Variants in GRM1 observed in about 807,000 individuals in gnomAD.
GRM1 encodes the protein metabotropic glutamate receptor 1.
Under a neutral mutation model 90.9 loss-of-function variants are expected in GRM1, and 33 were observed. That is an observed-to-expected ratio of 0.36 (90% CI 0.28 to 0.49). GRM1 has a LOEUF of 0.49. GRM1 is among the 20% of genes least tolerant of loss of function. The pLI, the probability that GRM1 is intolerant of heterozygous loss-of-function variation, is 0.99. For synonymous variants in GRM1, 700 were observed against 613.2 expected (o/e 1.14, Z -2.09); for missense variants, 1,190 against 1,534.3 (o/e 0.78, Z 3.75).
At chr6:146,115,243 C>T (rs1775697989) in intron 1 of GRM1, among the ~76,000 whole-genome samples, 1 of 148,108 alleles carries the variant, frequency 6.8e-6, no homozygotes, top group South Asian at 2.2e-4. Context: ...CACACACACA[C>T]ACACATATAT....
chr6:146,267,646 G>C (rs1238326526), intron 2 of GRM1, among the ~76,000 whole-genome samples: 5 of 93,478 alleles, frequency 5.3e-5, no homozygotes, highest in East Asian at 5.2e-4. Flanking sequence ...GGCTGCGCTG[G>C]GCTGGGCTGG....
intron 3 of GRM1, among the ~76,000 whole-genome samples, chr6:146,346,823 T>A (rs918327237): frequency 6.6e-6 from 1 of 152,186 alleles, no homozygotes; most frequent in Non-Finnish European, 1.5e-5. Flanking sequence ...TGTATCAAAT[T>A]AGGTATTGAA....
intron 2 of GRM1, among the ~76,000 whole-genome samples, chr6:146,256,095 G>T (rs1415701396): frequency 6.6e-6 from 1 of 152,162 alleles, no homozygotes; most frequent in Non-Finnish European, 1.5e-5. Flanking sequence ...GATACAGCTT[G>T]AGTCGAAGAG....
intron 3 of GRM1, among the ~76,000 whole-genome samples, chr6:146,310,260 A>T (rs1425726565): frequency 6.6e-6 from 1 of 152,206 alleles, no homozygotes. Context: ...TATTTGCCTT[A>T]TTAGGTTTCA....
At chr6:146,404,211 A>T (rs1436884645) in intron 7 of GRM1, among the ~76,000 whole-genome samples, 1 of 152,052 alleles carries the variant, frequency 6.6e-6, no homozygotes, top group Admixed American at 6.5e-5. Context: ...TTACTACTGG[A>T]TAGTAATATT....
intron 7 of GRM1, among the ~76,000 whole-genome samples, chr6:146,406,566 C>A (rs371796588): frequency 6.6e-6 from 1 of 152,062 alleles, no homozygotes; most frequent in Non-Finnish European, 1.5e-5. Flanking sequence ...TGGTAGCTCA[C>A]GCCTATAGTC....
At chr6:146,220,228 GTTAC>G (rs1384320456) in intron 2 of GRM1, among the ~76,000 whole-genome samples, 1 of 152,180 alleles carries the variant, frequency 6.6e-6, no homozygotes, top group East Asian at 1.9e-4. Flanking sequence ...AATATAGGTA[GTTAC>G]TTAATTATTC....
At chr6:146,158,211 A>G (rs1369464778) in intron 1 of GRM1, among the ~76,000 whole-genome samples, 5 of 152,214 alleles carry the variant, frequency 3.3e-5, no homozygotes, top group Non-Finnish European at 7.3e-5. Flanking sequence ...TGTCAGGAAA[A>G]CATAAGAGAG....
At chr6:146,173,807 C>T (rs1778236055) in intron 2 of GRM1, among the ~76,000 whole-genome samples, 1 of 151,926 alleles carries the variant, frequency 6.6e-6, no homozygotes, top group Admixed American at 6.6e-5. Flanking sequence ...GCTGGGATTA[C>T]AGGCACCCGC....
intron 3 of GRM1, among the ~76,000 whole-genome samples, chr6:146,330,818 C>T (rs1485819588): frequency 6.6e-6 from 1 of 152,072 alleles, no homozygotes; most frequent in African/African-American, 2.4e-5. Flanking sequence ...ACTATTACAT[C>T]ATAATTAACT....
At chr6:146,325,368 G>A (rs1784367431) in intron 3 of GRM1, among the ~76,000 whole-genome samples, 2 of 152,104 alleles carry the variant, frequency 1.3e-5, no homozygotes, top group Non-Finnish European at 2.9e-5. Flanking sequence ...TTCTTGCATG[G>A]GTGTGAGAAA....
chr6:146,285,373 G>A (rs554403638), intron 2 of GRM1, among the ~76,000 whole-genome samples: 4 of 152,060 alleles, frequency 2.6e-5, no homozygotes, highest in Non-Finnish European at 5.9e-5. Flanking sequence ...TCCAAACAAA[G>A]CTGCACTTCT....
At chr6:146,213,442 T>C (rs1779747954) in intron 2 of GRM1, among the ~76,000 whole-genome samples, 1 of 152,166 alleles carries the variant, frequency 6.6e-6, no homozygotes, top group African/African-American at 2.4e-5. Flanking sequence ...ATCTCTCTGC[T>C]TGTAGTATAG....
At chr6:146,257,720 C>T (rs927797407) in intron 2 of GRM1, among the ~76,000 whole-genome samples, 10 of 152,088 alleles carry the variant, frequency 6.6e-5, no homozygotes, top group African/African-American at 2.4e-4. Flanking sequence ...CTCAAGCATT[C>T]AGGTGAAGAC....
At chr6:146,097,122 C>G (rs891582159) in intron 1 of GRM1, among the ~76,000 whole-genome samples, 4 of 152,070 alleles carry the variant, frequency 2.6e-5, no homozygotes, top group Non-Finnish European at 4.4e-5. Flanking sequence ...TATTCAGGAA[C>G]TAAAATACAG....
At chr6:146,241,203 T>C (rs1156875814) in intron 2 of GRM1, among the ~76,000 whole-genome samples, 1 of 152,132 alleles carries the variant, frequency 6.6e-6, no homozygotes, top group Non-Finnish European at 1.5e-5. Flanking sequence ...GGAGGAAAGA[T>C]ACTGTCTACT....
At chr6:146,337,282 A>G (rs77929107) in intron 3 of GRM1, among the ~76,000 whole-genome samples, 223 of 152,328 alleles carry the variant, frequency 1.5e-3, no homozygotes, top group South Asian at 4.4e-3. Flanking sequence ...GTGATAATCC[A>G]TATAAATTCA....
chr6:146,354,298 C>A (rs1243823046), intron 4 of GRM1, among the ~76,000 whole-genome samples: 3 of 152,140 alleles, frequency 2.0e-5, no homozygotes, highest in Admixed American at 1.3e-4. Context: ...GACTACCTGC[C>A]TCTGTAAACC....
chr6:146,082,400 C>T (rs1171128578), intron 1 of GRM1, among the ~76,000 whole-genome samples: 5 of 152,180 alleles, frequency 3.3e-5, no homozygotes, highest in African/African-American at 1.2e-4. Flanking sequence ...AGTTGATCCA[C>T]CTGCCTCAGC....
Sources: gnomAD v4.1 joint callset for allele counts (sites outside exome capture counted in the v4.1 genomes callset) on GRCh38, gnomAD v4.1.1 for gene constraint, MANE v1.5 for transcripts, NCBI Gene and HGNC (gene_info 2026-07-23, HGNC 2026-07-21) for gene names.